Variants in WNK1 observed in about 807,000 individuals in gnomAD.
WNK1 encodes the protein WNK lysine deficient protein kinase 1.
WNK1 carries 38 observed loss-of-function variants against 222.8 expected under a neutral mutation model. The ratio of observed to expected loss-of-function variants is 0.17; its 90% CI spans 0.13 to 0.22. The LOEUF is 0.22. Ranked by LOEUF, WNK1 falls within the 10% of genes least tolerant of loss-of-function variation. The probability of loss-of-function intolerance (pLI) is 1.00; values close to 1 mark genes in which losing one functional copy is unlikely to be tolerated. For missense variants in WNK1, 2,348 were observed against 2,918.4 expected (o/e 0.80, Z 4.50); for synonymous variants, 1,090 against 1,092.9 (o/e 1.00, Z 0.05).
intron 1 of WNK1, among the ~76,000 whole-genome samples, chr12:812,777 G>T (rs1430048103): frequency 6.6e-6 from 1 of 151,946 alleles, no homozygotes; most frequent in African/African-American, 2.4e-5. Flanking sequence ...GGATATTAAG[G>T]ATAAACTAAA....
intron 3 of WNK1, 41 bp from the exon 4 acceptor site, chr12:829,962 C>T (rs1263159267): frequency 1.2e-6 from 2 of 1,612,178 alleles, no homozygotes; most frequent in African/African-American, 2.7e-5. Flanking sequence ...ACGTCTGAAG[C>T]TTCTGCTCGC....
At chr12:857,544 A>G (rs533739542) in intron 5 of WNK1, among the ~76,000 whole-genome samples, 3 of 152,342 alleles carry the variant, frequency 2.0e-5, no homozygotes, top group African/African-American at 7.2e-5. Flanking sequence ...AAAACTCAAA[A>G]AAGAGTTTAA....
In WNK1 at chr12:753,550, C is replaced by T. The variant is rs763660936; in HGVS notation, c.-16C>T. 3.4e-5 allele frequency: 55 copies of T among 1,611,884 alleles called. No individual in the cohort carries two copies. The highest frequency in any genetic ancestry group is 4.5e-5 in the Non-Finnish European group (53 of 1,179,908). ...CACGAATCCGAGCCCGCTCGCCTCT[C>T]TCCAGCGAACCGACCATGTCTGGCG... On this transcript the variant is annotated 5_prime_UTR_variant, in exon 1 of 28. Transcript: ENST00000315939. This position sits in a 1 kb window ranked among gnomAD's most constrained non-coding sequence, Gnocchi z 5.2.
In WNK1 at chr12:827,505, A is replaced by G. The variant is rs1948443351; in HGVS notation, c.1153+243A>G. 6 of 564,320 alleles carry G rather than the reference A, an allele frequency of 1.1e-5. No homozygotes were observed. Among genetic ancestry groups the G allele is most frequent in the Non-Finnish European group, 1.6e-5 (5 of 321,500 alleles). 35.0% of individuals were successfully genotyped at this position (564,320 alleles called of 1,614,324 possible). Reference sequence around the variant, plus strand: ...AAAGTGAACTTTGTTGATAAAACCTAATGTAATAGCCTTTTTTGTTGTTGT... The same window carrying G: ...AAAGTGAACTTTGTTGATAAAACCTGATGTAATAGCCTTTTTTGTTGTTGT... On this transcript the variant is annotated intron_variant, in intron 3 of 27. Coordinates refer to ENST00000315939, the MANE Select transcript of WNK1 (RefSeq NM_018979.4). This position sits in a 1 kb window ranked among gnomAD's most constrained non-coding sequence, Gnocchi z 4.6.
At chr12:793,626 A>G (rs1320070241) in intron 1 of WNK1, among the ~76,000 whole-genome samples, 2 of 152,144 alleles carry the variant, frequency 1.3e-5, no homozygotes, top group Admixed American at 6.5e-5. Flanking sequence ...TTCTCACTAT[A>G]TGTATATTCT....
chr12:893,534 A>G (rs1298161291), intron 22 of WNK1, among the ~76,000 whole-genome samples: 1 of 152,114 alleles, frequency 6.6e-6, no homozygotes, highest in Admixed American at 6.6e-5. Flanking sequence ...AAACTAAATA[A>G]TTCTGAGGGC....
At position 779,118 on chromosome 12, in the gene WNK1, C is replaced by T. The variant is rs528345581; in HGVS notation, c.759+24794C>T. On this transcript the variant is annotated intron_variant, in intron 1 of 27. Transcript: ENST00000315939. ...AGAGCATTCTCTTCTGTTAAAATTG[C>T]CACTAATTATGTGTTTTTTCTAAAT... Among the ~76,000 whole-genome samples, 8 of 152,248 alleles carry T rather than the reference C, an allele frequency of 5.3e-5. No homozygotes were observed. In the South Asian group the frequency reaches 1.7e-3, roughly 32 times the overall value.
chr12:877,404 G>A (rs2154078582), intron 9 of WNK1, among the ~76,000 whole-genome samples: 1 of 152,230 alleles, frequency 6.6e-6, no homozygotes, highest in African/African-American at 2.4e-5. Flanking sequence ...CAGTACTCTA[G>A]GGGTCATAGT....
In WNK1 at chr12:865,311, G is replaced by A. The variant is rs1259467135; in HGVS notation, c.2139+3041G>A. 16 of 1,535,978 alleles carry A rather than the reference G, an allele frequency of 1.0e-5. 1 individual carries two copies. The East Asian group carries it at 1.2e-4, about 12-fold the overall frequency. On this transcript the variant is annotated intron_variant, in intron 8 of 27. Coordinates refer to ENST00000315939, the MANE Select transcript of WNK1 (RefSeq NM_018979.4). ...GGAGAGTGTCCTGCCTATGCACTCT[G>A]CCTCTCAGCGCAAGCACCGACGCTC...
rs1376150921 is a variant in WNK1, at chr12:885,374, G to C, written c.4570G>C (p.Val1524Leu). The part of the protein sequence containing the change: ...STPTLAETVV[V>L]SAHSLDKTSH... ...TCCTACTTTAGCTGAAACCGTGGTA[G>C]TTAGCGCACACTCACTAGATAAGAC... Residue 1524 changes from valine to leucine, a missense_variant, in exon 19 of 28, where the codon GTT (valine) becomes CTT (leucine). Physicochemically the swap from Val to Leu is conservative, Grantham distance 32. Transcript: ENST00000315939. 2 of 1,613,786 alleles carry C rather than the reference G, an allele frequency of 1.2e-6. No individual in the cohort carries two copies. Among genetic ancestry groups the C allele is most frequent in the Non-Finnish European group, 1.7e-6 (2 of 1,180,038 alleles).
chr12:885,143 C>T lies in WNK1; in HGVS notation c.4339C>T (p.Leu1447=), dbSNP rs773250011. ...TGAGATCGTTGTTTCTAGTACAGCA[C>T]TGTATCCTTCAGTAACAGTTTCAGC... The part of the protein sequence containing the change: ...TSEIVVSSTA[L]YPSVTVSATS... Residue 1447 remains leucine, a synonymous_variant, in exon 19 of 28, where the codon CTG becomes TTG. Coordinates refer to ENST00000315939, the MANE Select transcript of WNK1 (RefSeq NM_018979.4). The T allele has an allele frequency of 1.2e-6, 2 of 1,614,120 alleles. No homozygotes were observed. The highest frequency in any genetic ancestry group is 8.5e-7 in the Non-Finnish European group (1 of 1,180,042).
chr12:896,045 T>G (rs1317494548), intron 23 of WNK1, 26 bp from the exon 24 acceptor site: 1 of 1,614,034 alleles, frequency 6.2e-7, no homozygotes. Context: ...GAACTTAAGT[T>G]TTTAATCTTT....
chr12:764,155 TAG>T (rs997684655), intron 1 of WNK1, among the ~76,000 whole-genome samples: 1 of 146,870 alleles, frequency 6.8e-6, no homozygotes, highest in Middle Eastern at 3.4e-3. Context: ...ATAGAAAAAT[TAG>T]AGAGAGGGAG....
In WNK1 at chr12:859,356, A is replaced by G. The variant is rs56325964; in HGVS notation, c.1512A>G (p.Leu504=). ...AAAAAATAGCCATAAAATTATGGCT[A>G]CGTATTGAAGATATTAAGAAATTAA... The part of the protein sequence containing the change: ...DGEKIAIKLW[L]RIEDIKKLKG... The change falls in exon 6 of 28, where the codon CTA becomes CTG. Residue 504 remains leucine, a synonymous_variant. Transcript: ENST00000315939. 4,815 of 1,612,334 alleles carry G rather than the reference A, an allele frequency of 3.0e-3. 102 individuals carry two copies. In the African/African-American group the frequency reaches 0.053, roughly 18 times the overall value.
chr12:780,145 A>G (rs1943551627), intron 1 of WNK1, among the ~76,000 whole-genome samples: 1 of 152,208 alleles, frequency 6.6e-6, no homozygotes, highest in South Asian at 2.1e-4. Flanking sequence ...TGAAGCTGTG[A>G]TAATCTGCCC....
At chr12:772,745 A>G (rs1418155130) in intron 1 of WNK1, among the ~76,000 whole-genome samples, 2 of 152,206 alleles carry the variant, frequency 1.3e-5, no homozygotes, top group Non-Finnish European at 2.9e-5. Context: ...GATACATTTG[A>G]TTGCTCTGAA....
chr12:806,795 A>C (rs1946400541), intron 1 of WNK1, among the ~76,000 whole-genome samples: 1 of 152,222 alleles, frequency 6.6e-6, no homozygotes, highest in Non-Finnish European at 1.5e-5. Flanking sequence ...GATATTTGGA[A>C]ATCTAATTTG....
intron 1 of WNK1, 126 bp downstream of exon 1, chr12:754,450 A>C (rs776099525): frequency 3.3e-6 from 4 of 1,203,934 alleles, no homozygotes; most frequent in South Asian, 2.4e-5. Context: ...GGGGAGGCCA[A>C]CTTTTGAAAG....
intron 22 of WNK1, among the ~76,000 whole-genome samples, chr12:893,418 A>G (rs1954447123): frequency 6.6e-6 from 1 of 152,256 alleles, no homozygotes; most frequent in Non-Finnish European, 1.5e-5. Context: ...ATAGAATTAC[A>G]TGAAAACATA....
Sources: allele counts gnomAD v4.1 joint callset (sites outside exome capture counted in the v4.1 genomes callset), GRCh38; gene constraint gnomAD v4.1.1; non-coding constraint Gnocchi (gnomAD v3.1); transcripts MANE v1.5; gene names NCBI Gene and HGNC (gene_info 2026-07-23, HGNC 2026-07-21).